EGFLAM: variants seen among roughly 807,000 people sequenced by gnomAD.
EGFLAM encodes the protein pikachurin.
In EGFLAM, 79 loss-of-function variants were observed where a neutral mutation model predicts 113.1. That is an observed-to-expected ratio of 0.70 (90% CI 0.58 to 0.84). The LOEUF is 0.84. Ranked by LOEUF, EGFLAM falls within the 40% of genes least tolerant of loss-of-function variation. The pLI is 0.00. For missense variants in EGFLAM, 1,265 were observed against 1,291.6 expected (o/e 0.98, Z 0.32); for synonymous variants, 504 against 487.6 (o/e 1.03, Z -0.44).
intron 15 of EGFLAM, among the ~76,000 whole-genome samples, chr5:38,433,729 G>T (rs756711976): frequency 6.6e-6 from 1 of 152,174 alleles, no homozygotes; most frequent in Non-Finnish European, 1.5e-5. Flanking sequence ...TTGTGTAAGA[G>T]CAATGACAAG....
chr5:38,448,560 AAC>A, intron 18 of EGFLAM, 181 bp downstream of exon 18: 1 of 632,906 alleles, frequency 1.6e-6, no homozygotes, highest in Non-Finnish European at 2.7e-6. Context: ...AGCAAAATAA[AAC>A]AAAAAACAAA....
intron 6 of EGFLAM, among the ~76,000 whole-genome samples, chr5:38,383,091 T>G (rs920410358): frequency 5.9e-5 from 9 of 152,194 alleles, no homozygotes; most frequent in Non-Finnish European, 1.0e-4. Context: ...TGGTTGACCT[T>G]GAGAGCAGCT....
intron 20 of EGFLAM, 66 bp downstream of exon 20, chr5:38,458,460 C>T: frequency 6.7e-7 from 1 of 1,495,396 alleles, no homozygotes; most frequent in Non-Finnish European, 9.2e-7. Context: ...GTGTCCAGTT[C>T]CCTTGTAGTC....
chr5:38,406,330 C>G, intron 7 of EGFLAM, 89 bp downstream of exon 7: 1 of 1,115,684 alleles, frequency 9.0e-7, no homozygotes, highest in Non-Finnish European at 1.3e-6. Flanking sequence ...AAACATTTTA[C>G]TTAAAACTTA....
chr5:38,289,274 CG>C (rs374925032), intron 1 of EGFLAM, among the ~76,000 whole-genome samples: 24 of 148,842 alleles, frequency 1.6e-4, no homozygotes, highest in South Asian at 8.6e-4. Flanking sequence ...TTTCTTTCCC[CG>C]CCCCCACATT....
At chr5:38,394,693 G>A (rs1258376659) in intron 6 of EGFLAM, among the ~76,000 whole-genome samples, 2 of 144,648 alleles carry the variant, frequency 1.4e-5, no homozygotes, top group East Asian at 4.1e-4. Context: ...ACAGGCGTGA[G>A]CCACCGCGCC....
chr5:38,349,889 CA>C (rs1276719350), intron 3 of EGFLAM, among the ~76,000 whole-genome samples: 1 of 142,930 alleles, frequency 7.0e-6, no homozygotes, highest in East Asian at 2.1e-4. Flanking sequence ...TTTGTAGGTA[CA>C]AATCAAGACC....
chr5:38,310,312 A>G (rs372921873), intron 1 of EGFLAM, among the ~76,000 whole-genome samples: 5 of 152,230 alleles, frequency 3.3e-5, no homozygotes, highest in African/African-American at 1.2e-4. Context: ...GTCCAAATCC[A>G]TGCTCTCTCA....
chr5:38,412,377 C>T (rs1045425617), intron 10 of EGFLAM, 127 bp from the exon 11 acceptor site: 34 of 1,397,172 alleles, frequency 2.4e-5, no homozygotes, highest in Admixed American at 4.2e-5. Context: ...ACTTGATATT[C>T]ATAAACATGA....
chr5:38,413,461 A>AG (rs1156515976), intron 11 of EGFLAM, among the ~76,000 whole-genome samples: 5 of 151,444 alleles, frequency 3.3e-5, no homozygotes, highest in Non-Finnish European at 1.5e-5. Context: ...TCTACCTTTG[A>AG]GGGGGGCCGT....
intron 1 of EGFLAM, among the ~76,000 whole-genome samples, chr5:38,278,519 T>G (rs981323849): frequency 9.2e-5 from 14 of 151,906 alleles, no homozygotes; most frequent in Admixed American, 5.2e-4. Flanking sequence ...AGACAAGTCT[T>G]GCTCTGTCAC....
At position 38,451,415 on chromosome 5, in the gene EGFLAM, G is replaced by A. The variant is rs568894053; in HGVS notation, c.2644G>A (p.Asp882Asn). Residue 882 changes from aspartate to asparagine, a missense_variant, in exon 19 of 22, where the codon GAC (aspartate) becomes AAC (asparagine). Asp to Asn is a conservative substitution (Grantham distance 23, BLOSUM62 1). Transcript: ENST00000322350. ...RGDSPMRPNSDFISLGLRDGA... is the reference protein window; with the variant it reads ...RGDSPMRPNSNFISLGLRDGA... ...AGACAGCCCCATGAGACCCAACAGCGACTTCATTTCCTTGGGCCTTCGGGA... is the reference window on the plus strand; with the variant it reads ...AGACAGCCCCATGAGACCCAACAGCAACTTCATTTCCTTGGGCCTTCGGGA... 7.4e-6 allele frequency: 12 copies of A among 1,614,204 alleles called. No homozygotes were observed. In the Middle Eastern group the frequency reaches 4.9e-4, roughly 67 times the overall value.
intron 1 of EGFLAM, among the ~76,000 whole-genome samples, chr5:38,309,095 C>A (rs933377555): frequency 3.9e-5 from 6 of 152,332 alleles, no homozygotes; most frequent in African/African-American, 1.4e-4. Flanking sequence ...AATTTATCAT[C>A]AAATGCTCAA....
intron 6 of EGFLAM, among the ~76,000 whole-genome samples, chr5:38,388,111 A>G (rs956164849): frequency 4.6e-5 from 7 of 152,242 alleles, no homozygotes; most frequent in African/African-American, 1.7e-4. Context: ...ATGGATATTC[A>G]TTTCCAGTCA....
intron 1 of EGFLAM, among the ~76,000 whole-genome samples, chr5:38,272,234 C>A (rs1460730035): frequency 6.6e-6 from 1 of 152,278 alleles, no homozygotes; most frequent in East Asian, 1.9e-4. Flanking sequence ...TGAAGTAATG[C>A]ATGGGGCTGC....
chr5:38,316,823 G>A (rs1255812029), intron 1 of EGFLAM, among the ~76,000 whole-genome samples: 1 of 152,058 alleles, frequency 6.6e-6, no homozygotes, highest in Non-Finnish European at 1.5e-5. Context: ...CCTCAAATCT[G>A]AGGAAATAAA....
chr5:38,431,265 A>G lies in EGFLAM; in HGVS notation c.2143A>G (p.Lys715Glu). Residue 715 changes from lysine to glutamate, a missense_variant, in exon 15 of 22, where the codon AAG becomes GAG. Transcript: ENST00000322350. The stretch of plus-strand genomic sequence containing the variant: ...TGGAATCTTACAGGTGGATAAGCAG[A>G]AGATAGTGGAGGGAATGGCAGAGGT... Reference protein sequence around the residue: ...KNGILQVDKQKIVEGMAEGGF... With the variant: ...KNGILQVDKQEIVEGMAEGGF... 2 of 1,614,122 alleles carry G rather than the reference A, an allele frequency of 1.2e-6. No individual in the cohort carries two copies. Among genetic ancestry groups the G allele is most frequent in the South Asian group, 2.2e-5 (2 of 91,078 alleles).
At chr5:38,433,190 C>T (rs1199918564) in intron 15 of EGFLAM, among the ~76,000 whole-genome samples, 1 of 152,192 alleles carries the variant, frequency 6.6e-6, no homozygotes, top group Non-Finnish European at 1.5e-5. Context: ...ACAGGTAGGG[C>T]AGGGGTTAGA....
chr5:38,316,148 A>T (rs1174267498), intron 1 of EGFLAM, among the ~76,000 whole-genome samples: 1 of 150,150 alleles, frequency 6.7e-6, no homozygotes, highest in East Asian at 1.9e-4. Context: ...ATTTAATTTT[A>T]TTACTAGTAT....
Sources: allele counts gnomAD v4.1 joint callset (sites outside exome capture counted in the v4.1 genomes callset), GRCh38; gene constraint gnomAD v4.1.1; transcripts MANE v1.5; gene names NCBI Gene and HGNC (gene_info 2026-07-23, HGNC 2026-07-21).